Variants in YIPF7 observed in about 807,000 individuals in gnomAD.
YIPF7 encodes the protein Yip1 domain family member 7, also known as protein YIPF7.
YIPF7 carries 35 observed loss-of-function variants against 27.2 expected under a neutral mutation model. The observed-to-expected ratio is 1.29, with a 90% CI of 0.98 to 1.70. YIPF7 has a LOEUF of 1.70. Among genes scored for constraint, YIPF7 ranks in the 40% most tolerant of loss-of-function variants. The probability of loss-of-function intolerance (pLI) is 0.00; values close to 1 mark genes in which losing one functional copy is unlikely to be tolerated. For synonymous variants in YIPF7, 137 were observed against 110.4 expected (o/e 1.24, Z -1.51); for missense variants, 358 against 303.7 (o/e 1.18, Z -1.33).
At chr4:44,624,060 C>T (rs866673577) in intron 5 of YIPF7, among the ~76,000 whole-genome samples, 6 of 137,158 alleles carry the variant, frequency 4.4e-5, no homozygotes, top group Admixed American at 1.4e-4. Flanking sequence ...TTCTCTCTCT[C>T]TTTTTTTTTT....
chr4:44,623,623 A>G (rs1577730755), intron 5 of YIPF7, among the ~76,000 whole-genome samples: 1 of 152,346 alleles, frequency 6.6e-6, no homozygotes, highest in African/African-American at 2.4e-5. Flanking sequence ...TAAAACAAAC[A>G]TATTTTTAAA....
chr4:44,656,981 G>A (rs1156885697), intron 2 of YIPF7, among the ~76,000 whole-genome samples: 1 of 152,112 alleles, frequency 6.6e-6, no homozygotes, highest in African/African-American at 2.4e-5. Flanking sequence ...GCAAAGAAAG[G>A]TGAAATTCTT....
At chr4:44,661,094 C>T (rs989650429) in intron 1 of YIPF7, among the ~76,000 whole-genome samples, 5 of 152,120 alleles carry the variant, frequency 3.3e-5, no homozygotes, top group Non-Finnish European at 1.5e-5. Flanking sequence ...CCAGGACTTG[C>T]TTGATTTGAA....
At chr4:44,628,743 T>C (rs1299429225) in intron 4 of YIPF7, among the ~76,000 whole-genome samples, 1 of 152,200 alleles carries the variant, frequency 6.6e-6, no homozygotes, top group Non-Finnish European at 1.5e-5. Flanking sequence ...AAGTACATTT[T>C]TCTTTACTTT....
intron 2 of YIPF7, among the ~76,000 whole-genome samples, chr4:44,648,501 A>T (rs1713603934): frequency 6.6e-6 from 1 of 152,156 alleles, no homozygotes; most frequent in Non-Finnish European, 1.5e-5. Context: ...ATTTCAGAAC[A>T]GTTCCTAACA....
intron 2 of YIPF7, among the ~76,000 whole-genome samples, chr4:44,645,266 T>A (rs1363031429): frequency 2.0e-5 from 3 of 152,190 alleles, no homozygotes; most frequent in Non-Finnish European, 4.4e-5. Context: ...GTCCCCTATG[T>A]CTTCTGGTAT....
In YIPF7 at chr4:44,635,988, T is replaced by A; in HGVS notation, c.214A>T (p.Asn72Tyr). The change falls in exon 3 of 6, where the codon AAC becomes TAC. Residue 72 changes from asparagine to tyrosine, a missense_variant. Asn to Tyr is a moderately radical substitution (Grantham distance 143). Transcript: ENST00000415895. ...YAGQFFQPAS[N>Y]SDYYSQSPYI... ...GGAGATTGTGAATAATAATCTGAGT[T>A]GGATGCTGGCTGAAAAAATTGTCCT... 6.2e-7 allele frequency: 1 copy of A among 1,613,944 alleles called. No homozygotes were observed.
intron 2 of YIPF7, among the ~76,000 whole-genome samples, chr4:44,647,293 G>A (rs1400118021): frequency 6.6e-6 from 1 of 152,100 alleles, no homozygotes; most frequent in Non-Finnish European, 1.5e-5. Flanking sequence ...TGGGGTGGGT[G>A]GATAAAGCCG....
In YIPF7 at chr4:44,624,842, A is replaced by C. The variant is rs902140642; in HGVS notation, c.427-60T>G. On this transcript the variant is annotated intron_variant, in intron 4 of 5. Coordinates refer to ENST00000415895, the MANE Select transcript of YIPF7 (RefSeq NM_182592.3). The stretch of plus-strand genomic sequence containing the variant: ...ACAATGGACACCGAGAGGAAATCTG[A>C]ATATCATGAAGCAGAGAGCATCTTA... 10 of 1,466,476 alleles carry C rather than the reference A, an allele frequency of 6.8e-6. No individual in the cohort carries two copies. In the African/African-American group the frequency reaches 1.3e-4, roughly 18 times the overall value. The allele number at this position is 1,466,476 out of a possible 1,614,324, so 90.8% of individuals were successfully genotyped here. A position where few individuals can be genotyped will look rare whatever the true frequency, so the allele number is the denominator to read the frequency against.
chr4:44,625,475 T>C (rs1712604061), intron 4 of YIPF7, among the ~76,000 whole-genome samples: 1 of 152,212 alleles, frequency 6.6e-6, no homozygotes, highest in Non-Finnish European at 1.5e-5. Flanking sequence ...TTTAACCCTA[T>C]TTAATTTAGC....
At chr4:44,661,771 A>C (rs1286042502) in intron 1 of YIPF7, among the ~76,000 whole-genome samples, 1 of 152,206 alleles carries the variant, frequency 6.6e-6, no homozygotes, top group East Asian at 1.9e-4. Flanking sequence ...ATTCAACCAA[A>C]AGTGTTGCAG....
upstream of YIPF7, among the ~76,000 whole-genome samples, chr4:44,654,134 G>A (rs1346039764): frequency 6.6e-6 from 1 of 151,958 alleles, no homozygotes; most frequent in African/African-American, 2.4e-5. Flanking sequence ...TAATGCATAG[G>A]CAAGAATATT....
At chr4:44,630,568 CT>C (rs1163525695) in intron 3 of YIPF7, among the ~76,000 whole-genome samples, 1 of 152,158 alleles carries the variant, frequency 6.6e-6, no homozygotes, top group Non-Finnish European at 1.5e-5. Context: ...ACGAGTTAAC[CT>C]TTCTCTTTTA....
rs1396649640 is a variant in YIPF7 at position 44,659,942 on chromosome 4, T to C, written c.-2+507A>G. On this transcript the variant is annotated intron_variant, in intron 2 of 2. Transcript: ENST00000508947. ...CCCTGGCTAACAGGGTGAAACCCCG[T>C]CTCTACTAAAAATACAAAAAAATTA... is the stretch of plus-strand genomic sequence containing the variant. Among the ~76,000 whole-genome samples, 5 of 151,144 alleles carry C rather than the reference T, an allele frequency of 3.3e-5. No homozygotes were observed. The South Asian group carries it at 1.0e-3, about 32-fold the overall frequency.
chr4:44,629,650 G>A, intron 3 of YIPF7, 102 bp from the exon 4 acceptor site: 2 of 885,920 alleles, frequency 2.3e-6, no homozygotes, highest in Non-Finnish European at 3.2e-6. Context: ...AATTTACTTA[G>A]CATTTTAATC....
Position 44,636,020 on chromosome 4 carries a change from C to A in YIPF7, c.182G>T (p.Gly61Val), listed in dbSNP as rs368291722. The A allele has an allele frequency of 3.1e-6, 5 of 1,613,802 alleles. No homozygotes were observed. The highest frequency in any genetic ancestry group is 4.2e-6 in the Non-Finnish European group (5 of 1,179,806). The stretch of plus-strand genomic sequence containing the variant: ...TGGCTGAAAAAATTGTCCTGCGTAA[C>A]CCGATGACATGAGCATCTCTGATGG... ...FVPSEMLMSS[G>V]YAGQFFQPAS... The change falls in exon 3 of 6, where the codon GGT becomes GTT. Residue 61 changes from glycine to valine, a missense_variant. By Grantham distance (109) the Gly-to-Val change is moderately radical. Coordinates refer to ENST00000415895, the MANE Select transcript of YIPF7 (RefSeq NM_182592.3).
chr4:44,629,330 T>C lies in YIPF7; in HGVS notation c.426+73A>G. 4 of 1,389,088 alleles carry C rather than the reference T, an allele frequency of 2.9e-6. No individual in the cohort carries two copies. In the South Asian group the frequency reaches 5.9e-5, roughly 20 times the overall value. The allele number at this position is 1,389,088 out of a possible 1,614,324, so 86.0% of individuals were successfully genotyped here. On this transcript the variant is annotated intron_variant, in intron 4 of 5. Transcript: ENST00000415895. ...TAAGGTGACACAGTTTCTCTTATAT[T>C]TATACAGATTGCTTCAAAGCCAGCA... is the stretch of plus-strand genomic sequence containing the variant.
Position 44,622,418 on chromosome 4 carries a change from A to G in YIPF7, c.767T>C (p.Phe256Ser), listed in dbSNP as rs753490719. Residue 256 changes from phenylalanine (F) to serine (S), a missense_variant, in exon 6 of 6, where the codon TTC becomes TCC. Physicochemically the swap from Phe to Ser is radical, Grantham distance 155. Transcript: ENST00000415895. ...LYGLFALLTIF is the reference protein window; with the variant it reads ...LYGLFALLTIS ...AAATGCCATCTCAAACATTCTTTAGAAAATTGTTAGGAGGGCAAAAAGTCC... is the reference window on the plus strand; with the variant it reads ...AAATGCCATCTCAAACATTCTTTAGGAAATTGTTAGGAGGGCAAAAAGTCC... The G allele has an allele frequency of 6.2e-7, 1 of 1,611,010 alleles. No individual in the cohort carries two copies. Among genetic ancestry groups the G allele is most frequent in the Middle Eastern group, 1.7e-4 (1 of 6,050 alleles).
At position 44,629,413 on chromosome 4, in the gene YIPF7, G is replaced by A; in HGVS notation, c.416C>T (p.Thr139Ile). ...CCTGTGACACATTACCAGAAGCAAG[G>A]TGGCTCCCAGGGCTACGCAAAAAAG... ...PILFCVALGA[T>I]LLLAGKVQFG... Residue 139 changes from threonine (T) to isoleucine (I), a missense_variant, in exon 4 of 6, where the codon ACC becomes ATC. By Grantham distance (89) the Thr-to-Ile change is moderately conservative. Coordinates refer to ENST00000415895, the MANE Select transcript of YIPF7 (RefSeq NM_182592.3). 1 of 1,589,750 alleles carries A rather than the reference G, an allele frequency of 6.3e-7. No individual in the cohort carries two copies. The highest frequency in any genetic ancestry group is 2.3e-5 in the East Asian group (1 of 43,998).
Sources: allele counts gnomAD v4.1 joint callset (sites outside exome capture counted in the v4.1 genomes callset), GRCh38; gene constraint gnomAD v4.1.1; transcripts MANE v1.5; gene names NCBI Gene and HGNC (gene_info 2026-07-23, HGNC 2026-07-21).